The following SLC9D1 variants were observed in gnomAD, a reference collection of about 807,000 sequenced individuals.
SLC9D1 encodes putative LAG1-interacting protein.
chr13:113,544,883 C>T, the SLC9D1 span, among the ~76,000 whole-genome samples: 8 of 152,256 alleles, frequency 5.3e-5, no homozygotes, highest in African/African-American at 1.4e-4. Flanking sequence ...AGCAGGTGTT[C>T]GTCCATAAAG....
chr13:113,539,341 G>T, the SLC9D1 span: 1 of 1,609,908 alleles, frequency 6.2e-7, no homozygotes, highest in South Asian at 1.1e-5. The surrounding 1 kb of genome is among the most constrained non-coding windows in gnomAD (Gnocchi z 4.8). Flanking sequence ...GTAAAGCTGC[G>T]TCCTGCCTCT....
At chr13:113,531,943 T>C in the SLC9D1 span, among the ~76,000 whole-genome samples, 1 of 152,198 alleles carries the variant, frequency 6.6e-6, no homozygotes, top group Admixed American at 6.5e-5. Flanking sequence ...CGTTAGGGGC[T>C]TGGTCCTGGA....
At chr13:113,539,181 C>T in the SLC9D1 span, among the ~76,000 whole-genome samples, 2 of 152,264 alleles carry the variant, frequency 1.3e-5, 1 homozygote, top group Middle Eastern at 6.8e-3. The surrounding 1 kb of genome is among the most constrained non-coding windows in gnomAD (Gnocchi z 4.8). Flanking sequence ...TAGCAGCCTC[C>T]ACATGTCACC....
the SLC9D1 span, among the ~76,000 whole-genome samples, chr13:113,510,582 A>C: frequency 6.6e-6 from 1 of 152,356 alleles, no homozygotes; most frequent in African/African-American, 2.4e-5. Flanking sequence ...TACATTCTGC[A>C]AGGAAATGGT....
the SLC9D1 span, chr13:113,496,098 C>T: frequency 1.9e-6 from 2 of 1,061,598 alleles, no homozygotes; most frequent in Non-Finnish European, 2.7e-6. Context: ...GAGTGCGTGC[C>T]CACATCCTCA....
the SLC9D1 span, among the ~76,000 whole-genome samples, chr13:113,547,964 T>C: frequency 7.1e-6 from 1 of 141,756 alleles, no homozygotes; most frequent in African/African-American, 2.6e-5. Flanking sequence ...CATCTCTCTG[T>C]ATTAAAAAGA....
At chr13:113,543,701 G>A in the SLC9D1 span, among the ~76,000 whole-genome samples, 1 of 150,028 alleles carries the variant, frequency 6.7e-6, no homozygotes, top group African/African-American at 2.5e-5. Context: ...CGTGGCGTGT[G>A]ACCTGGTGTC....
chr13:113,494,337 G>A, the SLC9D1 span, among the ~76,000 whole-genome samples: 2 of 152,026 alleles, frequency 1.3e-5, no homozygotes, highest in African/African-American at 4.8e-5. Flanking sequence ...TTCCTTCCAC[G>A]GTCTCGGTTT....
chr13:113,503,348 TG>T, the SLC9D1 span: 9 of 72,744 alleles, frequency 1.2e-4, no homozygotes, highest in East Asian at 5.1e-3. Flanking sequence ...TGTGTGATTG[TG>T]TGTGTGTGTG....
At chr13:113,543,271 C>CCCGCCCTCCCT in the SLC9D1 span, among the ~76,000 whole-genome samples, 1 of 21,620 alleles carries the variant, frequency 4.6e-5, no homozygotes, top group African/African-American at 4.2e-4. Context: ...ACCTCCTCTC[C>CCCGCCCTCCCT]CTGCCCCCAC....
the SLC9D1 span, among the ~76,000 whole-genome samples, chr13:113,531,094 C>G: frequency 6.6e-6 from 1 of 152,202 alleles, no homozygotes; most frequent in Admixed American, 6.5e-5. Context: ...TAGTGAGCAC[C>G]CACTGCCACC....
the SLC9D1 span, among the ~76,000 whole-genome samples, chr13:113,494,106 G>A: frequency 1.3e-5 from 2 of 152,286 alleles, no homozygotes; most frequent in South Asian, 4.1e-4. Flanking sequence ...TCCAGGTCGG[G>A]GAATCTTTGT....
the SLC9D1 span, among the ~76,000 whole-genome samples, chr13:113,497,287 T>G: frequency 2.0e-5 from 3 of 151,904 alleles, no homozygotes; most frequent in African/African-American, 7.2e-5. Flanking sequence ...GTGCAAGACC[T>G]GCAGCTGTGT....
the SLC9D1 span, among the ~76,000 whole-genome samples, chr13:113,493,359 A>C: frequency 6.6e-6 from 1 of 152,236 alleles, no homozygotes; most frequent in Non-Finnish European, 1.5e-5. Flanking sequence ...GTGTAAGCAA[A>C]GCATCTCAGA....
the SLC9D1 span, among the ~76,000 whole-genome samples, chr13:113,510,796 A>G: frequency 6.6e-6 from 1 of 152,242 alleles, no homozygotes; most frequent in Non-Finnish European, 1.5e-5. Context: ...CTGGGAATTG[A>G]TACACTTTTG....
At chr13:113,539,530 T>C in the SLC9D1 span, 2 of 1,608,258 alleles carry the variant, frequency 1.2e-6, no homozygotes, top group Non-Finnish European at 1.7e-6. This position sits in a 1 kb window ranked among gnomAD's most constrained non-coding sequence, Gnocchi z 4.8. Flanking sequence ...CTTTACATTA[T>C]GATTGTGTTG....
At chr13:113,515,203 T>A in the SLC9D1 span, among the ~76,000 whole-genome samples, 2 of 152,242 alleles carry the variant, frequency 1.3e-5, no homozygotes, top group Admixed American at 1.3e-4. Context: ...AACAGCATTA[T>A]TTTTAGTAGC....
chr13:113,539,374 C>T, the SLC9D1 span: 4 of 1,612,908 alleles, frequency 2.5e-6, no homozygotes, highest in Non-Finnish European at 3.4e-6. The surrounding 1 kb of genome is among the most constrained non-coding windows in gnomAD (Gnocchi z 4.8). Context: ...AGCTGCTGGA[C>T]GTCTCCATGG....
chr13:113,498,259 C>A, the SLC9D1 span: 1 of 1,078,364 alleles, frequency 9.3e-7, no homozygotes, highest in Non-Finnish European at 1.3e-6. Flanking sequence ...GGACATTTGA[C>A]AAAGCAGGAG....
Sources: allele counts gnomAD v4.1 joint callset (sites outside exome capture counted in the v4.1 genomes callset), GRCh38; gene constraint gnomAD v4.1.1; non-coding constraint Gnocchi (gnomAD v3.1); transcripts MANE v1.5; gene names NCBI Gene and HGNC (gene_info 2026-07-23, HGNC 2026-07-21).